The following COG7 variants were observed in gnomAD, a reference collection of about 807,000 sequenced individuals.
COG7 encodes conserved oligomeric Golgi complex subunit 7.
COG7 carries 49 observed loss-of-function variants against 91.5 expected under a neutral mutation model. The ratio of observed to expected loss-of-function variants is 0.54; its 90% CI spans 0.43 to 0.68. The LOEUF (loss-of-function observed/expected upper bound fraction) is 0.68. COG7 is among the 30% of genes least tolerant of loss of function. The probability of loss-of-function intolerance (pLI) is 0.00; values close to 1 mark genes in which losing one functional copy is unlikely to be tolerated. For missense variants in COG7, 895 were observed against 961.3 expected, an observed-to-expected ratio of 0.93 and a Z score of 0.91; for synonymous variants, 365 against 388.7, an observed-to-expected ratio of 0.94 and a Z score of 0.72.
At chr16:23,427,822 G>A (rs1316071951) in intron 6 of COG7, among the ~76,000 whole-genome samples, 5 of 152,074 alleles carry the variant, frequency 3.3e-5, no homozygotes, top group Non-Finnish European at 7.4e-5. Flanking sequence ...CCTGTCTCCA[G>A]CATAGCCTCA....
intron 7 of COG7, among the ~76,000 whole-genome samples, chr16:23,422,517 ATATGT>A (rs926052653): frequency 2.7e-5 from 4 of 148,624 alleles, no homozygotes; most frequent in African/African-American, 9.8e-5. Flanking sequence ...AATATATTTA[ATATGT>A]TATGTATTTA....
intron 13 of COG7, among the ~76,000 whole-genome samples, chr16:23,399,098 T>C (rs499812): frequency 0.31 from 47,036 of 152,040 alleles, 8,725 homozygotes; most frequent in African/African-American, 0.52. Context: ...CCACCTGATG[T>C]TGGATCCGGT....
At chr16:23,398,187 G>T (rs546896991) in intron 13 of COG7, 58 bp from the exon 14 acceptor site, 1 of 1,380,586 alleles carries the variant, frequency 7.2e-7, no homozygotes, top group Non-Finnish European at 1.0e-6. Context: ...CTGTGAAGAC[G>T]CCACCCAGAA....
At chr16:23,433,422 A>G in intron 6 of COG7, 123 bp downstream of exon 6, 1 of 1,293,486 alleles carries the variant, frequency 7.7e-7, no homozygotes, top group African/African-American at 1.5e-5. Flanking sequence ...CTTGAATGAC[A>G]GCAACAAACG....
At chr16:23,438,979 G>A (rs566748855) in intron 4 of COG7, among the ~76,000 whole-genome samples, 16 of 151,786 alleles carry the variant, frequency 1.1e-4, no homozygotes, top group Non-Finnish European at 1.9e-4. Flanking sequence ...CCAACATGGT[G>A]AAACCCCATC....
At position 23,413,569 on chromosome 16, in the gene COG7, C is replaced by T. The variant is rs371389811; in HGVS notation, c.1293-5G>A. 28 of 1,521,684 alleles carry T rather than the reference C, an allele frequency of 1.8e-5. No homozygotes were observed. Among genetic ancestry groups the T allele is most frequent in the Admixed American group, 8.4e-5 (5 of 59,868 alleles). 94.3% of individuals were successfully genotyped at this position (1,521,684 alleles called of 1,614,324 possible). A position where few individuals can be genotyped will look rare whatever the true frequency, so the allele number is the denominator to read the frequency against. On this transcript the variant is annotated splice_polypyrimidine_tract_variant and splice_region_variant and intron_variant, in intron 9 of 16. Coordinates refer to ENST00000307149, the MANE Select transcript of COG7 (RefSeq NM_153603.4). ...CTGGTGAAATCAGACACATACCTGCCGGGAAAGGGAAGAAAATGGTAGGGA... is the reference window on the plus strand; with the variant it reads ...CTGGTGAAATCAGACACATACCTGCTGGGAAAGGGAAGAAAATGGTAGGGA...
chr16:23,399,172 C>T (rs1250649476), intron 13 of COG7, among the ~76,000 whole-genome samples: 3 of 152,168 alleles, frequency 2.0e-5, no homozygotes, highest in Admixed American at 6.5e-5. Context: ...GGCTCCCAGC[C>T]CAGGCTCAGC....
Position 23,434,727 on chromosome 16 carries a change from C to T in COG7, c.605-9G>A, listed in dbSNP as rs1171497443. The T allele has an allele frequency of 1.3e-6, 2 of 1,593,854 alleles. No individual in the cohort carries two copies. The highest frequency in any genetic ancestry group is 8.6e-7 in the Non-Finnish European group (1 of 1,161,604). Reference sequence around the variant, plus strand: ...AAACACTTTGGACTGATCTAAAGAACATACAATGTATATATACTGTTACCA... The same window carrying T: ...AAACACTTTGGACTGATCTAAAGAATATACAATGTATATATACTGTTACCA... On this transcript the variant is annotated splice_polypyrimidine_tract_variant and intron_variant, in intron 4 of 16. Coordinates refer to ENST00000307149, the MANE Select transcript of COG7 (RefSeq NM_153603.4).
intron 1 of COG7, among the ~76,000 whole-genome samples, chr16:23,450,643 C>G (rs1169732052): frequency 6.6e-6 from 1 of 151,874 alleles, no homozygotes; most frequent in African/African-American, 2.4e-5. Flanking sequence ...GCCTGGACAA[C>G]ATAGTGAGAC....
intron 9 of COG7, 113 bp downstream of exon 9, chr16:23,416,854 C>A (rs537723626): frequency 8.2e-7 from 1 of 1,214,524 alleles, no homozygotes; most frequent in Admixed American, 1.9e-5. Flanking sequence ...CTCTTGGGTT[C>A]AGGTGCAAGT....
At chr16:23,450,909 T>G (rs1256189629) in intron 1 of COG7, among the ~76,000 whole-genome samples, 1 of 150,500 alleles carries the variant, frequency 6.6e-6, no homozygotes, top group Non-Finnish European at 1.5e-5. Flanking sequence ...AATGGGCACA[T>G]CTGGCCGGGC....
chr16:23,440,968 A>G (rs1226212840), intron 4 of COG7, among the ~76,000 whole-genome samples: 1 of 152,138 alleles, frequency 6.6e-6, no homozygotes, highest in Non-Finnish European at 1.5e-5. Context: ...CATCCAAAAG[A>G]GACCAGAGAA....
rs1021032415 is a variant in COG7 at position 23,453,010 on chromosome 16, G to A, written c.-16C>T. 4 of 1,613,850 alleles carry A rather than the reference G, an allele frequency of 2.5e-6. No homozygotes were observed. The Admixed American group carries it at 6.7e-5, about 27-fold the overall frequency. ...AGAAGTCCATGGCGGAACTGCCTCA[G>A]GCCTGGCGTCCAGAACTTAAGAGTT... On this transcript the variant is annotated 5_prime_UTR_variant, in exon 1 of 17. Transcript: ENST00000307149.
At chr16:23,452,732 G>GC in intron 1 of COG7, 94 bp downstream of exon 1, 1 of 1,517,564 alleles carries the variant, frequency 6.6e-7, no homozygotes, top group Non-Finnish European at 8.8e-7. Flanking sequence ...GTCCATGCGT[G>GC]CCCCGCCCAC....
At position 23,437,635 on chromosome 16, in the gene COG7, G is replaced by A. The variant is rs531896029; in HGVS notation, c.605-2917C>T. Among the ~76,000 whole-genome samples, 273 of 152,212 alleles carry A rather than the reference G, an allele frequency of 1.8e-3. 3 individuals carry two copies. Among genetic ancestry groups the A allele is most frequent in the African/African-American group, 6.3e-3 (260 of 41,544 alleles). On this transcript the variant is annotated intron_variant, in intron 4 of 16. Coordinates refer to ENST00000307149, the MANE Select transcript of COG7 (RefSeq NM_153603.4). ...TTTCAATCAAGGGCTAAAGGAAAGCGCTCTTAAACAAGGAGGGGCTTCCAA... is the reference window on the plus strand; with the variant it reads ...TTTCAATCAAGGGCTAAAGGAAAGCACTCTTAAACAAGGAGGGGCTTCCAA...
At chr16:23,410,049 T>C (rs1196071355) in intron 11 of COG7, among the ~76,000 whole-genome samples, 1 of 152,246 alleles carries the variant, frequency 6.6e-6, no homozygotes, top group African/African-American at 2.4e-5. Flanking sequence ...TCATTTAGGC[T>C]GAAACCACCA....
At chr16:23,400,045 A>G (rs1963348761) in intron 13 of COG7, among the ~76,000 whole-genome samples, 1 of 152,114 alleles carries the variant, frequency 6.6e-6, no homozygotes, top group Non-Finnish European at 1.5e-5. Flanking sequence ...GTATGTATGA[A>G]ACAGGATGGC....
chr16:23,424,661 T>A, intron 7 of COG7, 88 bp downstream of exon 7: 1 of 1,367,918 alleles, frequency 7.3e-7, no homozygotes, highest in African/African-American at 1.4e-5. Context: ...AAATCAGTCA[T>A]CTGAAAAGGC....
At chr16:23,450,175 T>G (rs1964244530) in intron 1 of COG7, among the ~76,000 whole-genome samples, 1 of 152,118 alleles carries the variant, frequency 6.6e-6, no homozygotes, top group South Asian at 2.1e-4. Flanking sequence ...CCTCAGGTGA[T>G]TCTCTCGCCT....
Sources: allele counts gnomAD v4.1 joint callset (sites outside exome capture counted in the v4.1 genomes callset), GRCh38; gene constraint gnomAD v4.1.1; transcripts MANE v1.5; gene names NCBI Gene and HGNC (gene_info 2026-07-23, HGNC 2026-07-21).